KCNMA1: variants seen among roughly 807,000 people sequenced by gnomAD.
The protein encoded by KCNMA1 is potassium calcium-activated channel subfamily M alpha 1, also known as Calcium-activated potassium channel subunit alpha-1.
In KCNMA1, 29 loss-of-function variants were observed where a neutral mutation model predicts 140.0. The ratio of observed to expected loss-of-function variants is 0.21; its 90% CI spans 0.15 to 0.28. The LOEUF is 0.28. Ranked by LOEUF, KCNMA1 falls within the 10% of genes least tolerant of loss-of-function variation. The probability of loss-of-function intolerance (pLI) is 1.00; values close to 1 mark genes in which losing one functional copy is unlikely to be tolerated. For synonymous variants in KCNMA1, 612 were observed against 611.9 expected (o/e 1.00, Z 0.00); for missense variants, 880 against 1,602.2 (o/e 0.55, Z 7.70).
intron 1 of KCNMA1, among the ~76,000 whole-genome samples, chr10:77,612,073 A>G (rs377213244): frequency 5.9e-5 from 9 of 152,276 alleles, no homozygotes; most frequent in East Asian, 5.8e-4. Flanking sequence ...CTGGCTCCCA[A>G]TGCTCCCAAC....
At chr10:77,210,484 T>C (rs1384876963) in intron 3 of KCNMA1, among the ~76,000 whole-genome samples, 1 of 152,150 alleles carries the variant, frequency 6.6e-6, no homozygotes, top group African/African-American at 2.4e-5. Flanking sequence ...GCTACAAGCA[T>C]TCCCCTTGAG....
intron 1 of KCNMA1, among the ~76,000 whole-genome samples, chr10:77,596,409 A>G (rs2080947857): frequency 6.6e-6 from 1 of 152,258 alleles, no homozygotes; most frequent in Non-Finnish European, 1.5e-5. Context: ...GAAGTGCAAC[A>G]GATGGGACAT....
At chr10:77,616,003 C>G (rs2089322997) in intron 1 of KCNMA1, among the ~76,000 whole-genome samples, 1 of 152,172 alleles carries the variant, frequency 6.6e-6, no homozygotes, top group Non-Finnish European at 1.5e-5. Context: ...TCACAGTTTA[C>G]CAATGAAGAA....
intron 3 of KCNMA1, among the ~76,000 whole-genome samples, chr10:77,194,982 T>C (rs538892628): frequency 2.0e-5 from 3 of 152,358 alleles, no homozygotes; most frequent in African/African-American, 7.2e-5. Flanking sequence ...TTATATGTGA[T>C]GCTGAAGGAT....
At chr10:77,472,556 AAG>A (rs1320365201) in intron 1 of KCNMA1, among the ~76,000 whole-genome samples, 16 of 152,232 alleles carry the variant, frequency 1.1e-4, no homozygotes, top group Admixed American at 6.5e-5. Context: ...AAAAAATAAA[AAG>A]AGAGAGAACT....
At chr10:76,975,368 G>A (rs1009931137) in intron 19 of KCNMA1, 4 of 152,216 alleles carry the variant, frequency 2.6e-5, no homozygotes, top group Admixed American at 2.6e-4. Flanking sequence ...AGGATGGAAT[G>A]GTGCCTGGCT....
chr10:77,466,513 C>T (rs1452862385), intron 1 of KCNMA1, among the ~76,000 whole-genome samples: 2 of 152,206 alleles, frequency 1.3e-5, no homozygotes, highest in Non-Finnish European at 2.9e-5. Flanking sequence ...CCTCAAAGAG[C>T]TTATTCTCTA....
intron 2 of KCNMA1, among the ~76,000 whole-genome samples, chr10:77,399,419 TA>T (rs1176070579): frequency 6.6e-6 from 1 of 152,220 alleles, no homozygotes; most frequent in Non-Finnish European, 1.5e-5. Flanking sequence ...ATTACTTTTA[TA>T]ATCAGAAAAT....
intron 2 of KCNMA1, among the ~76,000 whole-genome samples, chr10:77,273,869 C>A (rs1467783747): frequency 6.6e-6 from 1 of 152,130 alleles, no homozygotes; most frequent in Non-Finnish European, 1.5e-5. Context: ...ACAAAGACCC[C>A]TTATTCAGAT....
At chr10:77,588,444 T>A (rs1407650092) in intron 1 of KCNMA1, among the ~76,000 whole-genome samples, 2 of 152,162 alleles carry the variant, frequency 1.3e-5, no homozygotes, top group Non-Finnish European at 2.9e-5. Context: ...GGGACTGCAG[T>A]CTGGGCCCTG....
At chr10:76,899,532 A>C (rs1480422247) in intron 25 of KCNMA1, among the ~76,000 whole-genome samples, 1 of 152,160 alleles carries the variant, frequency 6.6e-6, no homozygotes, top group Admixed American at 6.6e-5. Context: ...GGACCCAGCC[A>C]TGTCCATTTG....
intron 9 of KCNMA1, among the ~76,000 whole-genome samples, chr10:77,094,769 G>C (rs2096890512): frequency 6.6e-6 from 1 of 151,940 alleles, no homozygotes; most frequent in Non-Finnish European, 1.5e-5. Context: ...GGCTCAATCA[G>C]AGGTAATTGC....
chr10:77,300,767 G>A (rs191834387), intron 2 of KCNMA1, among the ~76,000 whole-genome samples: 267 of 152,284 alleles, frequency 1.8e-3, no homozygotes, highest in African/African-American at 6.2e-3. Flanking sequence ...GGGGATGTAG[G>A]TGCCTACCAA....
chr10:77,489,223 T>A (rs1036658517), intron 1 of KCNMA1, among the ~76,000 whole-genome samples: 1 of 152,242 alleles, frequency 6.6e-6, no homozygotes, highest in African/African-American at 2.4e-5. Flanking sequence ...GTCTCAAATA[T>A]TGCATAGGGC....
chr10:77,636,680 G>A (rs2093777110), intron 1 of KCNMA1: 2 of 1,532,708 alleles, frequency 1.3e-6, no homozygotes, highest in Non-Finnish European at 1.7e-6. Context: ...AACTTCTCTC[G>A]CCCCTCGAAG....
intron 6 of KCNMA1, among the ~76,000 whole-genome samples, chr10:77,116,588 C>A (rs768077821): frequency 2.0e-5 from 3 of 151,964 alleles, no homozygotes; most frequent in East Asian, 1.9e-4. Context: ...AAAATACCCA[C>A]CCCCTAAAAA....
intron 3 of KCNMA1, among the ~76,000 whole-genome samples, chr10:77,214,008 C>T (rs1212451189): frequency 6.6e-6 from 1 of 152,126 alleles, no homozygotes; most frequent in Non-Finnish European, 1.5e-5. Context: ...GCCTAATTCC[C>T]ATAGTCCACC....
chr10:77,532,712 C>A (rs962555238), intron 1 of KCNMA1, among the ~76,000 whole-genome samples: 11 of 152,308 alleles, frequency 7.2e-5, no homozygotes, highest in African/African-American at 2.6e-4. Context: ...AAGAATTTTA[C>A]AACCTCTTCA....
At chr10:77,097,141 AGT>A (rs1269083847) in intron 9 of KCNMA1, among the ~76,000 whole-genome samples, 1 of 152,124 alleles carries the variant, frequency 6.6e-6, no homozygotes, top group Non-Finnish European at 1.5e-5. Flanking sequence ...CTCACCTGGT[AGT>A]GCTTTTCTTG....
Sources: allele counts gnomAD v4.1 joint callset (sites outside exome capture counted in the v4.1 genomes callset), GRCh38; gene constraint gnomAD v4.1.1; transcripts MANE v1.5; gene names NCBI Gene and HGNC (gene_info 2026-07-23, HGNC 2026-07-21).